The following MYH15 variants were observed in gnomAD, a reference collection of about 807,000 sequenced individuals.
The protein encoded by MYH15 is myosin heavy chain 15, also known as myosin-15.
Under a neutral mutation model 240.5 loss-of-function variants are expected in MYH15, and 227 were observed. That is an observed-to-expected ratio of 0.94 (90% CI 0.85 to 1.05). The LOEUF is 1.05. Ranked by LOEUF, MYH15 falls within the 50% of genes least tolerant of loss-of-function variation. MYH15 has a pLI of 0.00. For missense variants in MYH15, 2,217 were observed against 2,247.5 expected (o/e 0.99, Z 0.27); for synonymous variants, 785 against 796.7 (o/e 0.99, Z 0.25).
intron 29 of MYH15, 106 bp downstream of exon 29, chr3:108,416,706 T>C: frequency 1.1e-6 from 1 of 946,248 alleles, no homozygotes; most frequent in Non-Finnish European, 1.6e-6. Flanking sequence ...TAGGGCATTT[T>C]CCCTTCTTCT....
chr3:108,534,570 A>G, the MYH15 span, among the ~76,000 whole-genome samples: 3 of 152,148 alleles, frequency 2.0e-5, no homozygotes, highest in African/African-American at 7.2e-5. Flanking sequence ...GAAAAATGAT[A>G]CAAGAAATCA....
At position 108,410,639 on chromosome 3, in the gene MYH15, T is replaced by A; in HGVS notation, c.4439A>T (p.Tyr1480Phe). 1 of 1,614,014 alleles carries A rather than the reference T, an allele frequency of 6.2e-7. No individual in the cohort carries two copies. Among genetic ancestry groups the A allele is most frequent in the Non-Finnish European group, 8.5e-7 (1 of 1,179,896 alleles). ...CTCCTGGCCCACGATGCTCTCCTCA[T>A]AGGTGTTCTTGAGCTTGAGGAGCTC... ...STELLKLKNT[Y>F]EESIVGQETL... The change falls in exon 31 of 41, where the codon TAT becomes TTT. Residue 1480 changes from tyrosine to phenylalanine, a missense_variant. Tyr to Phe is a conservative substitution (Grantham distance 22). Coordinates refer to ENST00000693548, the MANE Select transcript of MYH15 (RefSeq NM_014981.3).
At chr3:108,441,302 A>C (rs1349770506) in intron 22 of MYH15, 42 bp from the exon 23 acceptor site, 1 of 1,607,724 alleles carries the variant, frequency 6.2e-7, no homozygotes, top group Non-Finnish European at 8.5e-7. Context: ...AGCTGGAAGT[A>C]ATTTATCAGC....
At chr3:108,420,678 C>T (rs998310815) in intron 28 of MYH15, among the ~76,000 whole-genome samples, 1 of 151,990 alleles carries the variant, frequency 6.6e-6, no homozygotes, top group African/African-American at 2.4e-5. Flanking sequence ...GCTGTACAGA[C>T]CATTGGTTTT....
rs150342385 is a variant in MYH15 at position 108,382,071 on chromosome 3, G to A, written c.5767-512C>T. Among the ~76,000 whole-genome samples, 125 of 152,260 alleles carry A rather than the reference G, an allele frequency of 8.2e-4. 1 individual carries two copies. Among genetic ancestry groups the A allele is most frequent in the African/African-American group, 2.8e-3 (115 of 41,554 alleles). The stretch of plus-strand genomic sequence containing the variant: ...TGTTGAAAATAACTGTGACAAAGTC[G>A]AATGCATGGCATCTGTTTTGAAGGC... On this transcript the variant is annotated intron_variant, in intron 40 of 40. Transcript: ENST00000693548.
intron 38 of MYH15, among the ~76,000 whole-genome samples, chr3:108,387,962 G>A (rs1469723967): frequency 2.6e-5 from 4 of 152,216 alleles, no homozygotes; most frequent in African/African-American, 9.6e-5. Flanking sequence ...CTCAGCCTCA[G>A]GAACCAGAAT....
intron 34 of MYH15, 45 bp downstream of exon 34, chr3:108,399,030 A>C (rs1216362149): frequency 6.3e-7 from 1 of 1,579,602 alleles, no homozygotes; most frequent in Non-Finnish European, 8.6e-7. Flanking sequence ...CATAAGCAGA[A>C]ACATTTTCCA....
intron 16 of MYH15, among the ~76,000 whole-genome samples, chr3:108,462,800 G>A (rs2083082350): frequency 1.3e-5 from 2 of 151,986 alleles, no homozygotes; most frequent in Admixed American, 1.3e-4. Context: ...TAGTTATATA[G>A]ATATTTGGGA....
Position 108,421,339 on chromosome 3 carries a change from C to T in MYH15, c.3703-125G>A, listed in dbSNP as rs2082682819. 1.9e-5 allele frequency: 21 copies of T among 1,123,590 alleles called. No homozygotes were observed. The South Asian group carries it at 2.9e-4, about 15-fold the overall frequency. The allele number at this position is 1,123,590 out of a possible 1,614,324, so 69.6% of individuals were successfully genotyped here. ...CTCTCTTCTGTAGTAAAGAGCTCAG[C>T]CAGCATTGGGAGATCACATCTTCTG... On this transcript the variant is annotated intron_variant, in intron 27 of 40. Coordinates refer to ENST00000693548, the MANE Select transcript of MYH15 (RefSeq NM_014981.3).
chr3:108,467,774 C>T (rs145647122), intron 14 of MYH15, among the ~76,000 whole-genome samples: 2 of 152,030 alleles, frequency 1.3e-5, no homozygotes, highest in Non-Finnish European at 1.5e-5. Flanking sequence ...TATATTAATA[C>T]TTTAATATGT....
chr3:108,529,696 G>A (rs1162598272), upstream of MYH15, among the ~76,000 whole-genome samples: 2 of 152,144 alleles, frequency 1.3e-5, no homozygotes, highest in Non-Finnish European at 2.9e-5. Context: ...GATACAATGG[G>A]TTTAAATAAT....
rs368538771 is a variant in MYH15 at position 108,410,826 on chromosome 3, C to A, written c.4252G>T (p.Gly1418Trp). The A allele has an allele frequency of 6.2e-6, 10 of 1,614,022 alleles. No homozygotes were observed. Among genetic ancestry groups the A allele is most frequent in the Non-Finnish European group, 8.5e-6 (10 of 1,179,874 alleles). ...RARHQLQLEL[G>W]DALSDLGKVR... ...TTCCCGAGGTCAGACAGGGCGTCCCCGAGCTCCAGCTGCAGCTGGTGCCTG... is the reference window on the plus strand; with the variant it reads ...TTCCCGAGGTCAGACAGGGCGTCCCAGAGCTCCAGCTGCAGCTGGTGCCTG... Residue 1418 changes from glycine (G) to tryptophan (W), a missense_variant, in exon 31 of 41, where the codon GGG (glycine) becomes TGG (tryptophan). Coordinates refer to ENST00000693548, the MANE Select transcript of MYH15 (RefSeq NM_014981.3).
rs117885751 is a variant in MYH15 at position 108,422,764 on chromosome 3, T to C, written c.3703-1550A>G. 2.0e-4 allele frequency among the ~76,000 whole-genome samples: 31 copies of C among 152,318 alleles called. No homozygotes were observed. In the East Asian group the frequency reaches 6.0e-3, roughly 29 times the overall value. ...AAAACAGTGAGGTCTGGTGAGATGA[T>C]GAAAGCTGATGGTGAGCCTAATAGT... On this transcript the variant is annotated intron_variant, in intron 27 of 40. Transcript: ENST00000693548.
the MYH15 span, among the ~76,000 whole-genome samples, chr3:108,534,325 A>G: frequency 1.3e-5 from 2 of 152,208 alleles, no homozygotes; most frequent in African/African-American, 4.8e-5. Flanking sequence ...ATTTGATAGT[A>G]TATTTTCTTC....
rs2082341264 is a variant in MYH15 at position 108,381,275 on chromosome 3, C to T, written c.*270G>A. On this transcript the variant is annotated 3_prime_UTR_variant, in exon 41 of 41. Transcript: ENST00000693548. ...ATCAAGTATTTATTCATTTTTTAAACATCAGAATTGAAAAGGTTCTTCCAT... is the reference window on the plus strand; with the variant it reads ...ATCAAGTATTTATTCATTTTTTAAATATCAGAATTGAAAAGGTTCTTCCAT... 2 of 522,272 alleles carry T rather than the reference C, an allele frequency of 3.8e-6. No homozygotes were observed. The highest frequency in any genetic ancestry group is 3.3e-5 in the East Asian group (1 of 30,214). The allele number at this position is 522,272 out of a possible 1,614,324, so 32.4% of individuals were successfully genotyped here. A position where few individuals can be genotyped will look rare whatever the true frequency, so the allele number is the denominator to read the frequency against.
At chr3:108,498,198 C>G (rs75788637) in intron 5 of MYH15, 53 bp from the exon 6 acceptor site, 1 of 1,521,216 alleles carries the variant, frequency 6.6e-7, no homozygotes, top group Non-Finnish European at 9.1e-7. Context: ...ATCAATGCAA[C>G]GAAAGTTAGG....
the MYH15 span, among the ~76,000 whole-genome samples, chr3:108,542,428 T>C: frequency 6.6e-6 from 1 of 152,228 alleles, no homozygotes; most frequent in African/African-American, 2.4e-5. Context: ...AAGTGTTCTA[T>C]AGTTTTGACT....
intron 27 of MYH15, among the ~76,000 whole-genome samples, chr3:108,427,857 A>G (rs575344456): frequency 6.6e-6 from 1 of 152,344 alleles, no homozygotes; most frequent in South Asian, 2.1e-4. Context: ...AGAAGGTTGC[A>G]GCAACTAGCC....
In MYH15 at chr3:108,492,566, G is replaced by A. The variant is rs1053126426; in HGVS notation, c.805C>T (p.Gln269Ter). The A allele has an allele frequency of 6.2e-7, 1 of 1,613,346 alleles. No homozygotes were observed. The highest frequency in any genetic ancestry group is 1.1e-5 in the South Asian group (1 of 90,982). ...TGGTAGTTCCTCTCTCCAGCCTGCT[G>A]GAAAATCACCCTGGACTTTTCAAGC... The part of the protein sequence containing the change: ...YLLEKSRVIF[Q>*]QAGERNYHIF... Residue 269 changes from glutamine (Q) to a stop codon, truncating the protein, a stop_gained, in exon 9 of 41, where the codon CAG (glutamine) becomes TAG (stop). Coordinates refer to ENST00000693548, the MANE Select transcript of MYH15 (RefSeq NM_014981.3). LOFTEE classifies it high-confidence loss of function.
Sources: gnomAD v4.1 joint callset for allele counts (sites outside exome capture counted in the v4.1 genomes callset) on GRCh38, gnomAD v4.1.1 for gene constraint, MANE v1.5 for transcripts, NCBI Gene and HGNC (gene_info 2026-07-23, HGNC 2026-07-21) for gene names.